The following FAM110B variants were observed in gnomAD, a reference collection of about 807,000 sequenced individuals.
The protein encoded by FAM110B is family with sequence similarity 110 member B, also known as protein FAM110B.
Under a neutral mutation model 20.4 loss-of-function variants are expected in FAM110B, and 6 were observed. The observed-to-expected ratio is 0.29, with a 90% CI of 0.16 to 0.58. The LOEUF (loss-of-function observed/expected upper bound fraction) is 0.58. Ranked by LOEUF, FAM110B falls within the 20% of genes least tolerant of loss-of-function variation. The probability of loss-of-function intolerance (pLI) is 0.90; values close to 1 mark genes in which losing one functional copy is unlikely to be tolerated. For missense variants in FAM110B, 434 were observed against 498.2 expected (o/e 0.87, Z 1.23); for synonymous variants, 226 against 214.1 (o/e 1.06, Z -0.49).
chr8:58,126,841 C>G (rs1177517827), intron 3 of FAM110B, among the ~76,000 whole-genome samples: 1 of 152,148 alleles, frequency 6.6e-6, no homozygotes, highest in African/African-American at 2.4e-5. Context: ...TTTCCCCAGT[C>G]TGTTGCCTAT....
At chr8:58,141,831 G>T (rs549576992) in intron 3 of FAM110B, among the ~76,000 whole-genome samples, 4 of 152,172 alleles carry the variant, frequency 2.6e-5, no homozygotes, top group Non-Finnish European at 4.4e-5. Context: ...GCTCCTTTCC[G>T]AAGGCCACAC....
At chr8:58,039,560 T>C (rs1327610968) in intron 2 of FAM110B, among the ~76,000 whole-genome samples, 5 of 152,232 alleles carry the variant, frequency 3.3e-5, no homozygotes, top group Non-Finnish European at 7.3e-5. Flanking sequence ...ATTTTAAAAA[T>C]AGTCATTTAA....
chr8:58,001,573 T>C (rs543853493), intron 1 of FAM110B, among the ~76,000 whole-genome samples: 87 of 152,326 alleles, frequency 5.7e-4, no homozygotes, highest in African/African-American at 2.0e-3. Flanking sequence ...CGAACTGTTT[T>C]GATTGTTCAT....
At chr8:58,132,336 G>A (rs1362041480) in intron 3 of FAM110B, among the ~76,000 whole-genome samples, 2 of 152,048 alleles carry the variant, frequency 1.3e-5, no homozygotes, top group Admixed American at 1.3e-4. Context: ...GTTTTGCTGT[G>A]AAAGCAGCAT....
At chr8:58,123,587 T>C (rs936116377) in intron 3 of FAM110B, among the ~76,000 whole-genome samples, 4 of 152,238 alleles carry the variant, frequency 2.6e-5, no homozygotes, top group Admixed American at 1.3e-4. Context: ...ATTTAAATGA[T>C]AGCAGTCAGA....
At chr8:58,129,686 TACTAGAACAGGGA>T (rs1803402675) in intron 3 of FAM110B, among the ~76,000 whole-genome samples, 1 of 152,156 alleles carries the variant, frequency 6.6e-6, no homozygotes, top group African/African-American at 2.4e-5. Context: ...AGATTGCGGC[TACTAGAACAGGGA>T]GGAACAAAAG....
chr8:58,066,763 C>T (rs1473692341), intron 2 of FAM110B, among the ~76,000 whole-genome samples: 1 of 152,170 alleles, frequency 6.6e-6, no homozygotes, highest in African/African-American at 2.4e-5. Flanking sequence ...TCTCTGCCTG[C>T]AGTGACTTCA....
At chr8:58,097,231 T>C (rs772510431) in intron 3 of FAM110B, among the ~76,000 whole-genome samples, 3 of 152,154 alleles carry the variant, frequency 2.0e-5, no homozygotes, top group Admixed American at 6.5e-5. Context: ...GTTGGAGGCT[T>C]TGTTCGTTCC....
chr8:58,104,962 G>GA (rs374878667), intron 3 of FAM110B, among the ~76,000 whole-genome samples: 40,079 of 125,930 alleles, frequency 0.32, 8,455 homozygotes, highest in African/African-American at 0.63. Context: ...TTCTTTAAAG[G>GA]AAAAAAAAAA....
chr8:58,084,646 T>C (rs1166464243), intron 3 of FAM110B, among the ~76,000 whole-genome samples: 1 of 152,106 alleles, frequency 6.6e-6, no homozygotes, highest in Non-Finnish European at 1.5e-5. Context: ...CCTCAGGCGC[T>C]CAAAGTGCTG....
intron 3 of FAM110B, among the ~76,000 whole-genome samples, chr8:58,111,909 A>G (rs936900075): frequency 2.6e-5 from 4 of 152,170 alleles, no homozygotes; most frequent in African/African-American, 4.8e-5. Context: ...AATTCACCCA[A>G]TGTATATTCA....
At chr8:58,065,968 AAAT>A (rs1805751679) in intron 2 of FAM110B, among the ~76,000 whole-genome samples, 1 of 152,144 alleles carries the variant, frequency 6.6e-6, no homozygotes, top group Non-Finnish European at 1.5e-5. Context: ...AGGAGTAAAT[AAAT>A]ACTAGTTAAA....
intron 1 of FAM110B, among the ~76,000 whole-genome samples, chr8:57,997,029 C>T (rs536651629): frequency 2.4e-4 from 37 of 152,246 alleles, no homozygotes; most frequent in Middle Eastern, 3.4e-3. Flanking sequence ...TCTCCTTTCC[C>T]CTTTAACTTT....
chr8:58,006,901 G>GTGTATATATATATATATA (rs1804415059), intron 1 of FAM110B, among the ~76,000 whole-genome samples: 3 of 97,496 alleles, frequency 3.1e-5, no homozygotes, highest in East Asian at 3.3e-4. Context: ...GGCTTAATTG[G>GTGTATATATATATATATA]TATATATATA....
intron 1 of FAM110B, among the ~76,000 whole-genome samples, chr8:58,005,995 C>T (rs563433472): frequency 6.6e-6 from 1 of 151,852 alleles, no homozygotes; most frequent in South Asian, 2.1e-4. Context: ...TTTTCAGAAA[C>T]TGTCATTCAC....
chr8:58,044,842 C>A (rs1284727939), intron 2 of FAM110B, among the ~76,000 whole-genome samples: 1 of 152,058 alleles, frequency 6.6e-6, no homozygotes, highest in Non-Finnish European at 1.5e-5. Flanking sequence ...GAGACAGGGG[C>A]AGAATACTTT....
At chr8:58,071,837 A>C (rs1234323985) in intron 2 of FAM110B, among the ~76,000 whole-genome samples, 1 of 152,184 alleles carries the variant, frequency 6.6e-6, no homozygotes, top group Non-Finnish European at 1.5e-5. Context: ...GGTTTTAGAC[A>C]CCTTGTGTGG....
In FAM110B at chr8:58,044,252, C is replaced by T. The variant is rs146636985; in HGVS notation, c.-414+12549C>T. ...TAGGGGTGCCACTTACATAGACTAC[C>T]GTGGTCATGATGACCCCTGAGATTG... On this transcript the variant is annotated intron_variant, in intron 2 of 3. Coordinates refer to ENST00000519262, the MANE Select transcript of FAM110B (RefSeq NM_001377989.1). Among the ~76,000 whole-genome samples, 62 of 152,244 alleles carry T rather than the reference C, an allele frequency of 4.1e-4. No individual in the cohort carries two copies. The East Asian group carries it at 0.011, about 27-fold the overall frequency.
At chr8:58,072,516 G>T (rs1333042911) in intron 2 of FAM110B, among the ~76,000 whole-genome samples, 4 of 152,130 alleles carry the variant, frequency 2.6e-5, no homozygotes. Flanking sequence ...ACCAAAATAT[G>T]TGCTTTTATT....
Sources: gnomAD v4.1 joint callset for allele counts (sites outside exome capture counted in the v4.1 genomes callset) on GRCh38, gnomAD v4.1.1 for gene constraint, MANE v1.5 for transcripts, NCBI Gene and HGNC (gene_info 2026-07-23, HGNC 2026-07-21) for gene names.